SULF2: variants seen among roughly 807,000 people sequenced by gnomAD.
SULF2 encodes extracellular sulfatase Sulf-2.
SULF2 carries 52 observed loss-of-function variants against 107.7 expected under a neutral mutation model. The ratio of observed to expected loss-of-function variants is 0.48; its 90% CI spans 0.39 to 0.61. The LOEUF (loss-of-function observed/expected upper bound fraction) is 0.61. SULF2 is among the 20% of genes least tolerant of loss of function. SULF2 has a pLI of 0.00. For synonymous variants in SULF2, 460 were observed against 464.3 expected (o/e 0.99, Z 0.12); for missense variants, 993 against 1,177.3 (o/e 0.84, Z 2.29).
chr20:47,744,087 C>A (rs1410625162), intron 2 of SULF2, among the ~76,000 whole-genome samples: 3 of 152,132 alleles, frequency 2.0e-5, no homozygotes, highest in Non-Finnish European at 4.4e-5. Flanking sequence ...AGGGGACATG[C>A]AGGTGCCTTT....
Position 47,778,717 on chromosome 20 carries a change from G to A in SULF2, c.-101+6626C>T, listed in dbSNP as rs145757897. Among the ~76,000 whole-genome samples, 357 of 152,316 alleles carry A rather than the reference G, an allele frequency of 2.3e-3. 1 individual carries two copies. Among genetic ancestry groups the A allele is most frequent in the African/African-American group, 7.9e-3 (328 of 41,558 alleles). On this transcript the variant is annotated intron_variant, in intron 1 of 20. Coordinates refer to ENST00000688720, the MANE Select transcript of SULF2 (RefSeq NM_001387048.1). Reference sequence around the variant, plus strand: ...TCTGTTAATCACTGAGAAACCAGGCGATGAAGAAGGGGAGGCTCAGCCCGA... The same window carrying A: ...TCTGTTAATCACTGAGAAACCAGGCAATGAAGAAGGGGAGGCTCAGCCCGA...
chr20:47,742,410 G>C (rs1402251806), intron 2 of SULF2, among the ~76,000 whole-genome samples: 1 of 152,140 alleles, frequency 6.6e-6, no homozygotes, highest in Admixed American at 6.5e-5. Flanking sequence ...TTCTTTCCAT[G>C]ACCAAACCTT....
chr20:47,783,802 C>A (rs6094845), intron 1 of SULF2, among the ~76,000 whole-genome samples: 1 of 152,186 alleles, frequency 6.6e-6, no homozygotes, highest in Non-Finnish European at 1.5e-5. Flanking sequence ...AGCCCACCAC[C>A]TTCGCCTTTC....
chr20:47,696,402 A>ACC lies in SULF2; in HGVS notation c.568-6109_568-6108dup, dbSNP rs5841704. Among the ~76,000 whole-genome samples, 226 of 151,584 alleles carry ACC rather than the reference A, an allele frequency of 1.5e-3. 1 individual carries two copies. The highest frequency in any genetic ancestry group is 0.01 in the Middle Eastern group (3 of 294). On this transcript the variant is annotated intron_variant, in intron 4 of 20. Coordinates refer to ENST00000688720, the MANE Select transcript of SULF2 (RefSeq NM_001387048.1). ...TCATTTGATTAGATTACTCCTTACC[A>ACC]CCCCCCCACCCCCATAACCTTGGCT...
chr20:47,663,528 CGTT>C lies in SULF2; in HGVS notation c.2149_2151del (p.Asn717del), dbSNP rs141576642. On this transcript the variant is annotated inframe_deletion, in exon 16 of 21. Transcript: ENST00000688720. ...GTGAGGCCTGGCATGCTGCACGTGT[CGTT>C]GTTCTGCAGGCGCTTGAGCAGCTTG... The C allele has an allele frequency of 6.8e-6, 11 of 1,612,954 alleles. No individual in the cohort carries two copies. The highest frequency in any genetic ancestry group is 6.7e-5 in the East Asian group (3 of 44,872).
At chr20:47,728,810 T>C (rs542428804) in intron 3 of SULF2, among the ~76,000 whole-genome samples, 54 of 152,202 alleles carry the variant, frequency 3.5e-4, no homozygotes, top group African/African-American at 6.7e-4. Flanking sequence ...CACATCCAGC[T>C]AATTTTTGTA....
chr20:47,776,605 G>A (rs1486787257), intron 1 of SULF2, among the ~76,000 whole-genome samples: 1 of 152,140 alleles, frequency 6.6e-6, no homozygotes, highest in Non-Finnish European at 1.5e-5. Context: ...TCTTTTCAAG[G>A]GCACATGCAG....
intron 2 of SULF2, among the ~76,000 whole-genome samples, chr20:47,753,098 C>CAAAAAAAAAAAA (rs10578438): frequency 6.6e-5 from 6 of 90,642 alleles, no homozygotes; most frequent in South Asian, 7.5e-4. Context: ...GAGACTCTCT[C>CAAAAAAAAAAAA]AAAAAAAAAA....
intron 4 of SULF2, among the ~76,000 whole-genome samples, chr20:47,691,683 T>C (rs1162711024): frequency 6.6e-6 from 1 of 151,972 alleles, no homozygotes; most frequent in Non-Finnish European, 1.5e-5. Flanking sequence ...GGAAAGAGGA[T>C]AAAATGTCAG....
At position 47,694,739 on chromosome 20, in the gene SULF2, A is replaced by G. The variant is rs2146559826; in HGVS notation, c.568-4444T>C. Among the ~76,000 whole-genome samples, 1 of 152,242 alleles carries G rather than the reference A, an allele frequency of 6.6e-6. No homozygotes were observed. The highest frequency in any genetic ancestry group is 6.5e-5 in the Admixed American group (1 of 15,300). On this transcript the variant is annotated intron_variant, in intron 4 of 20. Coordinates refer to ENST00000688720, the MANE Select transcript of SULF2 (RefSeq NM_001387048.1). This position sits in a 1 kb window ranked among gnomAD's most constrained non-coding sequence, Gnocchi z 4.4. ...CCTAGGCAAAAGCGTGTTTCCCTCG[A>G]GTGGGCACTCCGCACCGGGCTTCCC...
chr20:47,708,489 G>A (rs74848287), intron 3 of SULF2, among the ~76,000 whole-genome samples: 18,604 of 152,120 alleles, frequency 0.12, 1,158 homozygotes, highest in Middle Eastern at 0.17. Flanking sequence ...GCCAGATTTT[G>A]CCTTTTGTGC....
chr20:47,726,645 G>T (rs1303399722), intron 3 of SULF2, among the ~76,000 whole-genome samples: 2 of 152,218 alleles, frequency 1.3e-5, no homozygotes, highest in African/African-American at 2.4e-5. Context: ...AATGCTAATT[G>T]TAATTAACGT....
intron 10 of SULF2, 136 bp downstream of exon 10, chr20:47,676,358 G>T: frequency 4.4e-6 from 4 of 915,646 alleles, no homozygotes; most frequent in Non-Finnish European, 6.4e-6. Context: ...ACAGCATCTT[G>T]GGCACCACAC....
chr20:47,665,700 C>A (rs968014936), intron 13 of SULF2, among the ~76,000 whole-genome samples, 157 bp downstream of exon 13: 1 of 152,242 alleles, frequency 6.6e-6, no homozygotes, highest in Non-Finnish European at 1.5e-5. Flanking sequence ...CATGCTGGGA[C>A]TGACACCTAT....
chr20:47,739,904 A>C (rs998447498), intron 2 of SULF2, among the ~76,000 whole-genome samples: 15 of 152,204 alleles, frequency 9.9e-5, no homozygotes, highest in Admixed American at 4.6e-4. Context: ...ATGTGACATT[A>C]AATAGCATCA....
intron 17 of SULF2, among the ~76,000 whole-genome samples, chr20:47,662,627 A>G (rs1343447869): frequency 6.6e-6 from 1 of 152,182 alleles, no homozygotes; most frequent in Non-Finnish European, 1.5e-5. Context: ...GGGCCACTTC[A>G]GTCGCATGTG....
At chr20:47,676,456 G>C in intron 10 of SULF2, 38 bp downstream of exon 10, 1 of 1,596,608 alleles carries the variant, frequency 6.3e-7, no homozygotes, top group Non-Finnish European at 8.5e-7. Flanking sequence ...GCTGCAGTCA[G>C]GAGGGGGAGC....
At chr20:47,747,867 A>T (rs1051897478) in intron 2 of SULF2, among the ~76,000 whole-genome samples, 1 of 151,830 alleles carries the variant, frequency 6.6e-6, no homozygotes, top group African/African-American at 2.4e-5. Flanking sequence ...CACGATCCAT[A>T]AAGCAAACCC....
At chr20:47,708,992 C>A (rs948031991) in intron 3 of SULF2, among the ~76,000 whole-genome samples, 4 of 152,174 alleles carry the variant, frequency 2.6e-5, no homozygotes, top group Admixed American at 6.5e-5. Context: ...CAGTCAGAGG[C>A]TTTTAGTGCC....
Sources: allele counts gnomAD v4.1 joint callset (sites outside exome capture counted in the v4.1 genomes callset), GRCh38; gene constraint gnomAD v4.1.1; non-coding constraint Gnocchi (gnomAD v3.1); transcripts MANE v1.5; gene names NCBI Gene and HGNC (gene_info 2026-07-23, HGNC 2026-07-21).